The following CSRNP3 variants were observed in gnomAD, a reference collection of about 807,000 sequenced individuals.
CSRNP3 encodes the protein cysteine and serine rich nuclear protein 3.
A neutral mutation model predicts 48.0 loss-of-function variants in CSRNP3; 12 were observed. The observed-to-expected ratio is 0.25, with a 90% CI of 0.16 to 0.41. The LOEUF (loss-of-function observed/expected upper bound fraction) is 0.41. Among genes scored for constraint, CSRNP3 ranks in the 10% least tolerant of loss-of-function variants. The pLI is 1.00. For synonymous variants in CSRNP3, 263 were observed against 269.7 expected (o/e 0.98, Z 0.24); for missense variants, 580 against 724.4 (o/e 0.80, Z 2.29).
intron 2 of CSRNP3, among the ~76,000 whole-genome samples, chr2:165,517,046 A>G (rs1200061267): frequency 6.6e-6 from 1 of 152,192 alleles, no homozygotes; most frequent in South Asian, 2.1e-4. Context: ...GTGGAAACAT[A>G]ATAAATGAAC....
At chr2:165,537,880 T>A (rs1684902179) in intron 3 of CSRNP3, among the ~76,000 whole-genome samples, 1 of 151,968 alleles carries the variant, frequency 6.6e-6, no homozygotes, top group South Asian at 2.1e-4. Context: ...TTTGTTCAAT[T>A]CAGAAACATT....
At chr2:165,523,673 A>G (rs1258156496) in intron 3 of CSRNP3, among the ~76,000 whole-genome samples, 1 of 152,086 alleles carries the variant, frequency 6.6e-6, no homozygotes, top group Non-Finnish European at 1.5e-5. Flanking sequence ...GACCCCTCTC[A>G]CTGGCTCTTC....
chr2:165,478,008 GAAGA>G (rs1239390430), intron 1 of CSRNP3, among the ~76,000 whole-genome samples: 1 of 150,196 alleles, frequency 6.7e-6, no homozygotes, highest in Admixed American at 6.7e-5. Flanking sequence ...AAGAAGGAAG[GAAGA>G]AAGAAAGAAG....
intron 3 of CSRNP3, among the ~76,000 whole-genome samples, chr2:165,535,794 A>G (rs1684873409): frequency 6.6e-6 from 1 of 151,890 alleles, no homozygotes; most frequent in Non-Finnish European, 1.5e-5. Context: ...CTGCTAGATG[A>G]AAGAAACTAA....
At chr2:165,604,126 AG>A (rs1405689850) in intron 4 of CSRNP3, among the ~76,000 whole-genome samples, 1 of 152,220 alleles carries the variant, frequency 6.6e-6, no homozygotes, top group Non-Finnish European at 1.5e-5. Flanking sequence ...TAGTATTAGG[AG>A]GTGGAAATAT....
At position 165,676,575 on chromosome 2, in the gene CSRNP3, G is replaced by A. The variant is rs772147944; in HGVS notation, c.672G>A (p.Thr224=). 1.9e-6 allele frequency: 3 copies of A among 1,613,548 alleles called. No individual in the cohort carries two copies. The highest frequency in any genetic ancestry group is 1.7e-4 in the Middle Eastern group (1 of 6,058). The part of the protein sequence containing the change: ...CDCRVFCDPD[T]CTCSLAGIKC... ...GCCGAGTGTTCTGTGATCCAGACAC[G>A]TGCACCTGCAGCCTGGCTGGCATTA... Residue 224 remains threonine (T), a synonymous_variant, in exon 6 of 7, where the codon ACG becomes ACA. Transcript: ENST00000651982.
At chr2:165,506,380 G>A (rs73027961) in intron 2 of CSRNP3, among the ~76,000 whole-genome samples, 3,110 of 152,140 alleles carry the variant, frequency 0.02, 106 homozygotes, top group African/African-American at 0.071. Flanking sequence ...GTGGGAAAAC[G>A]GAGGGCAGGG....
chr2:165,583,321 T>C (rs1685577255), intron 3 of CSRNP3, among the ~76,000 whole-genome samples: 1 of 152,234 alleles, frequency 6.6e-6, no homozygotes, highest in African/African-American at 2.4e-5. Context: ...GGTAATTGTT[T>C]GAATGACCTA....
At chr2:165,623,715 T>C (rs1290160691) in intron 4 of CSRNP3, among the ~76,000 whole-genome samples, 1 of 152,154 alleles carries the variant, frequency 6.6e-6, no homozygotes, top group East Asian at 1.9e-4. Flanking sequence ...GGCAGCAACA[T>C]CTACAACCAT....
chr2:165,616,825 C>T (rs1440523713), intron 4 of CSRNP3, among the ~76,000 whole-genome samples: 4 of 152,032 alleles, frequency 2.6e-5, no homozygotes, highest in Non-Finnish European at 5.9e-5. Flanking sequence ...TTGATGTTTT[C>T]CCACATTTTT....
At chr2:165,488,694 C>T (rs1684157096) in intron 1 of CSRNP3, among the ~76,000 whole-genome samples, 1 of 111,798 alleles carries the variant, frequency 8.9e-6, no homozygotes, top group Non-Finnish European at 1.8e-5. Flanking sequence ...TCCTGAATGA[C>T]TACTGGGTAC....
chr2:165,494,383 G>T (rs1299153910), intron 1 of CSRNP3, among the ~76,000 whole-genome samples: 2 of 152,076 alleles, frequency 1.3e-5, no homozygotes. Flanking sequence ...GCATGCAAGT[G>T]AGTGATCTAT....
At chr2:165,614,147 C>G (rs1026839683) in intron 4 of CSRNP3, among the ~76,000 whole-genome samples, 1 of 151,958 alleles carries the variant, frequency 6.6e-6, no homozygotes, top group African/African-American at 2.4e-5. Context: ...ATTGTAAGAT[C>G]TTTCTTACAA....
intron 3 of CSRNP3, among the ~76,000 whole-genome samples, chr2:165,564,920 G>A (rs1228924437): frequency 6.6e-6 from 1 of 152,010 alleles, no homozygotes; most frequent in East Asian, 1.9e-4. Flanking sequence ...TAGTAAATTG[G>A]AGTGATGTAG....
intron 3 of CSRNP3, among the ~76,000 whole-genome samples, chr2:165,520,808 T>C (rs1180115402): frequency 4.2e-5 from 3 of 70,812 alleles, no homozygotes; most frequent in African/African-American, 5.9e-5. Flanking sequence ...TATATATATA[T>C]ATATATATAT....
At chr2:165,576,642 A>C (rs561631918) in intron 3 of CSRNP3, among the ~76,000 whole-genome samples, 23 of 152,158 alleles carry the variant, frequency 1.5e-4, no homozygotes, top group Middle Eastern at 3.4e-3. Flanking sequence ...GTCTCTATGC[A>C]GATTCACTCA....
At chr2:165,493,640 A>G (rs1462422990) in intron 1 of CSRNP3, among the ~76,000 whole-genome samples, 2 of 152,286 alleles carry the variant, frequency 1.3e-5, no homozygotes, top group African/African-American at 2.4e-5. Context: ...TAAGGAAAGC[A>G]TAGAGCAAAA....
chr2:165,511,084 C>T (rs754680139), intron 2 of CSRNP3, among the ~76,000 whole-genome samples: 2 of 152,150 alleles, frequency 1.3e-5, no homozygotes, highest in East Asian at 3.9e-4. Context: ...AAGTGATTAT[C>T]AGAGTCAAGT....
intron 2 of CSRNP3, among the ~76,000 whole-genome samples, chr2:165,505,119 A>G (rs1257087704): frequency 2.6e-5 from 4 of 152,142 alleles, no homozygotes; most frequent in African/African-American, 4.8e-5. Flanking sequence ...GGGGTTATAA[A>G]TTCATTCTTC....
Sources: allele counts gnomAD v4.1 joint callset (sites outside exome capture counted in the v4.1 genomes callset), GRCh38; gene constraint gnomAD v4.1.1; transcripts MANE v1.5; gene names NCBI Gene and HGNC (gene_info 2026-07-23, HGNC 2026-07-21).